The following FNDC5 variants were observed in gnomAD, a reference collection of about 807,000 sequenced individuals.
FNDC5 encodes fibronectin type III domain-containing protein 5.
FNDC5 carries 10 observed loss-of-function variants against 24.6 expected under a neutral mutation model. The ratio of observed to expected loss-of-function variants is 0.41; its 90% CI spans 0.25 to 0.69. FNDC5 has a LOEUF of 0.69. Among genes scored for constraint, FNDC5 ranks in the 30% least tolerant of loss-of-function variants. The pLI, the probability that FNDC5 is intolerant of heterozygous loss-of-function variation, is 0.34. For synonymous variants in FNDC5, 90 were observed against 110.7 expected (o/e 0.81, Z 1.18); for missense variants, 226 against 282.9 (o/e 0.80, Z 1.44).
chr1:32,864,048 C>T lies in FNDC5; in HGVS notation c.*246G>A. The T allele has an allele frequency of 4.9e-6, 7 of 1,432,112 alleles. No individual in the cohort carries two copies. The highest frequency in any genetic ancestry group is 5.5e-6 in the Non-Finnish European group (6 of 1,092,130). 88.7% of individuals were successfully genotyped at this position (1,432,112 alleles called of 1,614,324 possible). A position where few individuals can be genotyped will look rare whatever the true frequency, so the allele number is the denominator to read the frequency against. ...TGGCACCCAGTCTACCCCCAGCAGT[C>T]ATCCCTCTGAGTGCAGCCTCAGCCA... On this transcript the variant is annotated 3_prime_UTR_variant, in exon 6 of 6. Transcript: ENST00000373471.
At position 32,864,159 on chromosome 1, in the gene FNDC5, G is replaced by A; in HGVS notation, c.*135C>T. 1 of 1,590,332 alleles carries A rather than the reference G, an allele frequency of 6.3e-7. No homozygotes were observed. The highest frequency in any genetic ancestry group is 1.2e-5 in the South Asian group (1 of 86,400). Reference sequence around the variant, plus strand: ...CAGAGAGAGGACAGTAAGCCAGAGGGTACAAGGAGATGGAGGGAAGAGATG... The same window carrying A: ...CAGAGAGAGGACAGTAAGCCAGAGGATACAAGGAGATGGAGGGAAGAGATG... On this transcript the variant is annotated 3_prime_UTR_variant, in exon 6 of 6. Transcript: ENST00000373471.
At position 32,863,884 on chromosome 1, in the gene FNDC5, C is replaced by T. The variant is rs1460230987; in HGVS notation, c.*410G>A. The T allele has an allele frequency of 3.8e-6, 5 of 1,304,084 alleles. No homozygotes were observed. In the East Asian group the frequency reaches 2.2e-4, roughly 57 times the overall value. The allele number at this position is 1,304,084 out of a possible 1,614,324, so 80.8% of individuals were successfully genotyped here. A position where few individuals can be genotyped will look rare whatever the true frequency, so the allele number is the denominator to read the frequency against. ...AAGGGAGCAGCAGCAGGGCTGTAGC[C>T]TAAATAAGCCAAGCTCTTGTCCCTT... On this transcript the variant is annotated 3_prime_UTR_variant, in exon 6 of 6. Coordinates refer to ENST00000373471, the MANE Select transcript of FNDC5 (RefSeq NM_153756.3).
chr1:32,868,048 C>T lies in FNDC5; in HGVS notation c.409+142G>A, dbSNP rs193075950. On this transcript the variant is annotated intron_variant, in intron 3 of 5. Coordinates refer to ENST00000373471, the MANE Select transcript of FNDC5 (RefSeq NM_153756.3). The surrounding 1 kb of genome is among the most constrained non-coding windows in gnomAD (Gnocchi z 4.8). ...TGCTCAGCGTCTTGTCAGGGACTAG[C>T]GTGAACCCTCTCTCAGGTACTGCTT... 3.7e-4 allele frequency: 407 copies of T among 1,108,888 alleles called. No homozygotes were observed. In the African/African-American group the frequency reaches 4.5e-3, roughly 12 times the overall value. The allele number at this position is 1,108,888 out of a possible 1,614,324, so 68.7% of individuals were successfully genotyped here.
chr1:32,866,277 T>C (rs1641069310), intron 4 of FNDC5, among the ~76,000 whole-genome samples: 1 of 152,230 alleles, frequency 6.6e-6, no homozygotes, highest in Admixed American at 6.5e-5. Flanking sequence ...CCCTCATTTT[T>C]CCAAGTGCCT....
At chr1:32,864,352 T>G in intron 5 of FNDC5, 53 bp from the exon 6 acceptor site, 7 of 1,608,604 alleles carry the variant, frequency 4.4e-6, no homozygotes, top group Non-Finnish European at 5.9e-6. Flanking sequence ...CTGCCCAAGG[T>G]CACAAGGCAC....
Position 32,868,371 on chromosome 1 carries a change from C to A in FNDC5, c.228G>T (p.Met76Ile). The A allele has an allele frequency of 6.2e-7, 1 of 1,613,980 alleles. No homozygotes were observed. The highest frequency in any genetic ancestry group is 8.5e-7 in the Non-Finnish European group (1 of 1,179,874). The change falls in exon 3 of 6, where the codon ATG (methionine) becomes ATT (isoleucine). Residue 76 changes from methionine to isoleucine, a missense_variant. Met to Ile is a conservative substitution (Grantham distance 10). Transcript: ENST00000373471. This position sits in a 1 kb window ranked among gnomAD's most constrained non-coding sequence, Gnocchi z 4.8. ...TGTTCACCTCCTGGATGAAGCGCAG[C>A]ATCCGCACATCCTTCTTCTGCAGAC...
In FNDC5 at chr1:32,863,609, A is replaced by G. The variant is rs41265871; in HGVS notation, c.*685T>C. On this transcript the variant is annotated 3_prime_UTR_variant, in exon 6 of 6. Transcript: ENST00000373471. ...CAGCCTCCTTCATCTGACTAGGACA[A>G]GGAGAAGAGAGAACTGTGCAGCTAG... 4,586 of 941,638 alleles carry G rather than the reference A, an allele frequency of 4.9e-3. 24 individuals carry two copies. Among genetic ancestry groups the G allele is most frequent in the Non-Finnish European group, 4.9e-3 (3,247 of 666,552 alleles). The allele number at this position is 941,638 out of a possible 1,614,324, so 58.3% of individuals were successfully genotyped here. A position where few individuals can be genotyped will look rare whatever the true frequency, so the allele number is the denominator to read the frequency against.
In FNDC5 at chr1:32,864,432, C is replaced by G. The variant is rs533304419; in HGVS notation, c.634-133G>C. ...CGCCAACCAAGAATTCTGCCCTCCC[C>G]ACTCACTGCTTTTTTTTTTTTTTCT... is the stretch of plus-strand genomic sequence containing the variant. On this transcript the variant is annotated intron_variant, in intron 5 of 5. Transcript: ENST00000373471. 4.2e-4 allele frequency: 625 copies of G among 1,492,184 alleles called. 1 individual carries two copies. The highest frequency in any genetic ancestry group is 5.3e-4 in the Non-Finnish European group (601 of 1,123,686). 92.4% of individuals were successfully genotyped at this position (1,492,184 alleles called of 1,614,324 possible).
Position 32,868,119 on chromosome 1 carries a change from A to C in FNDC5, c.409+71T>G, listed in dbSNP as rs1170078518. On this transcript the variant is annotated intron_variant, in intron 3 of 5. Transcript: ENST00000373471. This position sits in a 1 kb window ranked among gnomAD's most constrained non-coding sequence, Gnocchi z 4.8. Reference sequence around the variant, plus strand: ...GGGGGAGGAGACAGAGCTTTCCTCAAGCCACCCACTGGTCTGGTCCTGACC... The same window carrying C: ...GGGGGAGGAGACAGAGCTTTCCTCACGCCACCCACTGGTCTGGTCCTGACC... 6.4e-7 allele frequency: 1 copy of C among 1,555,000 alleles called. No individual in the cohort carries two copies. Among genetic ancestry groups the C allele is most frequent in the Admixed American group, 1.7e-5 (1 of 58,260 alleles).
Position 32,863,648 on chromosome 1 carries a change from C to G in FNDC5, c.*646G>C. On this transcript the variant is annotated 3_prime_UTR_variant, in exon 6 of 6. Coordinates refer to ENST00000373471, the MANE Select transcript of FNDC5 (RefSeq NM_153756.3). ...CTGTGCAGCTAGCTGTGCCTCCTCCCCACTGCTGCAGTTGTCCCTCTCCCT... is the reference window on the plus strand; with the variant it reads ...CTGTGCAGCTAGCTGTGCCTCCTCCGCACTGCTGCAGTTGTCCCTCTCCCT... 1 of 1,219,772 alleles carries G rather than the reference C, an allele frequency of 8.2e-7. No individual in the cohort carries two copies. Among genetic ancestry groups the G allele is most frequent in the Non-Finnish European group, 1.1e-6 (1 of 912,264 alleles). 75.6% of individuals were successfully genotyped at this position (1,219,772 alleles called of 1,614,324 possible).
Position 32,870,837 on chromosome 1 carries a change from G to T in FNDC5, c.-91C>A. The stretch of plus-strand genomic sequence containing the variant: ...GCTCGCGCTCGCGCTCCGGCCCCCG[G>T]CCCGGCCGGCCCGGCCGCTCCGGCC... On this transcript the variant is annotated 5_prime_UTR_variant, in exon 1 of 6. Transcript: ENST00000373471. 3.8e-6 allele frequency: 1 copy of T among 264,654 alleles called. No homozygotes were observed. Among genetic ancestry groups the T allele is most frequent in the Non-Finnish European group, 5.7e-6 (1 of 176,438 alleles). The allele number at this position is 264,654 out of a possible 1,614,324, so 16.4% of individuals were successfully genotyped here. A position where few individuals can be genotyped will look rare whatever the true frequency, so the allele number is the denominator to read the frequency against.
At chr1:32,864,615 A>G in intron 5 of FNDC5, 49 bp downstream of exon 5, 2 of 1,612,454 alleles carry the variant, frequency 1.2e-6, no homozygotes, top group Non-Finnish European at 1.7e-6. Context: ...AGGGATTACC[A>G]GAGCATGAGG....
At chr1:32,864,331 C>T (rs368841129) in intron 5 of FNDC5, 32 bp from the exon 6 acceptor site, 23 of 1,612,718 alleles carry the variant, frequency 1.4e-5, no homozygotes, top group African/African-American at 8.0e-5. Flanking sequence ...GAAGGTACAG[C>T]GGTAAAGCAC....
At chr1:32,871,284 C>A (rs972176497), upstream of FNDC5, among the ~76,000 whole-genome samples, 1 of 151,850 alleles carries the variant, frequency 6.6e-6, no homozygotes, top group Non-Finnish European at 1.5e-5. Flanking sequence ...CTAGGGATCC[C>A]CTCATTCCAC....
At chr1:32,871,274 C>CTA (rs1346114362), upstream of FNDC5, among the ~76,000 whole-genome samples, 1 of 151,946 alleles carries the variant, frequency 6.6e-6, no homozygotes, top group Non-Finnish European at 1.5e-5. Flanking sequence ...TTCCCTGGGC[C>CTA]TAGGGATCCC....
At position 32,867,737 on chromosome 1, in the gene FNDC5, C is replaced by T. The variant is rs778363778; in HGVS notation, c.499+16G>A. ...AGAATCTGAGGGAAGAAGAAGGTCT[C>T]GGAGGCCAGACTCACCTGCCCACAT... On this transcript the variant is annotated intron_variant, in intron 4 of 5. Transcript: ENST00000373471. 19 of 1,611,484 alleles carry T rather than the reference C, an allele frequency of 1.2e-5. No individual in the cohort carries two copies. Among genetic ancestry groups the T allele is most frequent in the African/African-American group, 8.0e-5 (6 of 74,786 alleles).
intron 4 of FNDC5, 150 bp downstream of exon 4, chr1:32,867,603 T>A (rs1641095570): frequency 1.5e-6 from 1 of 668,434 alleles, no homozygotes. Flanking sequence ...CAGATCTGTT[T>A]CCCAGAACTG....
In FNDC5 at chr1:32,863,671, C is replaced by T. The variant is rs1031798043; in HGVS notation, c.*623G>A. 1 of 1,294,056 alleles carries T rather than the reference C, an allele frequency of 7.7e-7. No homozygotes were observed. Among genetic ancestry groups the T allele is most frequent in the Non-Finnish European group, 1.0e-6 (1 of 979,718 alleles). 80.2% of individuals were successfully genotyped at this position (1,294,056 alleles called of 1,614,324 possible). A position where few individuals can be genotyped will look rare whatever the true frequency, so the allele number is the denominator to read the frequency against. On this transcript the variant is annotated 3_prime_UTR_variant, in exon 6 of 6. Coordinates refer to ENST00000373471, the MANE Select transcript of FNDC5 (RefSeq NM_153756.3). Reference sequence around the variant, plus strand: ...CCCCACTGCTGCAGTTGTCCCTCTCCCTGTGCCCGTGGGCCTGGGGACCAG... The same window carrying T: ...CCCCACTGCTGCAGTTGTCCCTCTCTCTGTGCCCGTGGGCCTGGGGACCAG...
At chr1:32,867,212 A>G (rs1485693143) in intron 4 of FNDC5, among the ~76,000 whole-genome samples, 1 of 152,218 alleles carries the variant, frequency 6.6e-6, no homozygotes, top group Non-Finnish European at 1.5e-5. Flanking sequence ...GGGTTAAAGA[A>G]GGGCTAAAGA....
Sources: allele counts gnomAD v4.1 joint callset (sites outside exome capture counted in the v4.1 genomes callset), GRCh38; gene constraint gnomAD v4.1.1; non-coding constraint Gnocchi (gnomAD v3.1); transcripts MANE v1.5; gene names NCBI Gene and HGNC (gene_info 2026-07-23, HGNC 2026-07-21).